Variants in KIF5C observed in about 807,000 individuals in gnomAD.
KIF5C encodes the protein kinesin family member 5C.
KIF5C carries 18 observed loss-of-function variants against 125.2 expected under a neutral mutation model. The ratio of observed to expected loss-of-function variants is 0.14; its 90% confidence interval spans 0.10 to 0.21. KIF5C has a LOEUF of 0.21. KIF5C is among the 10% of genes least tolerant of loss of function. The probability of loss-of-function intolerance (pLI) is 1.00; values close to 1 mark genes in which losing one functional copy is unlikely to be tolerated. For synonymous variants in KIF5C, 405 were observed against 434.0 expected (o/e 0.93, Z 0.83); for missense variants, 780 against 1,183.8 (o/e 0.66, Z 5.01).
rs370362458 is a variant in KIF5C, at chr2:148,934,170, CAT to C, written c.292-3111_292-3110del. Among the ~76,000 whole-genome samples, 743 of 151,108 alleles carry C rather than the reference CAT, an allele frequency of 4.9e-3. 5 individuals carry two copies. The highest frequency in any genetic ancestry group is 0.018 in the South Asian group (86 of 4,766). On this transcript the variant is annotated intron_variant, in intron 3 of 25. Coordinates refer to ENST00000435030, the MANE Select transcript of KIF5C (RefSeq NM_004522.3). ...CACACAGACATATACACATCACACA[CAT>C]ATGCACACACAGACACACCACACAT...
chr2:148,951,670 C>G (rs1446806560), intron 10 of KIF5C, among the ~76,000 whole-genome samples: 1 of 152,148 alleles, frequency 6.6e-6, no homozygotes, highest in Non-Finnish European at 1.5e-5. Context: ...GATTCTGCTG[C>G]CTTCGGTTTG....
Position 148,998,404 on chromosome 2 carries a change from C to T in KIF5C, c.2105C>T (p.Ala702Val), listed in dbSNP as rs1223209744. 6 of 1,560,078 alleles carry T rather than the reference C, an allele frequency of 3.8e-6. No individual in the cohort carries two copies. Among genetic ancestry groups the T allele is most frequent in the East Asian group, 2.4e-5 (1 of 41,950 alleles). The change falls in exon 19 of 26, where the codon GCG becomes GTG. Residue 702 changes from alanine (A) to valine (V), a missense_variant. Transcript: ENST00000435030. Reference sequence around the variant, plus strand: ...TTCTCTTGGCCTGGGATGCAGAAGGCGCTGGAGCAGCAGATGGAGAGCCAC... The same window carrying T: ...TTCTCTTGGCCTGGGATGCAGAAGGTGCTGGAGCAGCAGATGGAGAGCCAC... ...RLQDAEEMKK[A>V]LEQQMESHRE...
chr2:148,933,288 T>C (rs1682217328), intron 3 of KIF5C, among the ~76,000 whole-genome samples: 1 of 152,074 alleles, frequency 6.6e-6, no homozygotes, highest in Admixed American at 6.5e-5. Flanking sequence ...TGAATTTCTA[T>C]AGCTCTCGGC....
intron 10 of KIF5C, among the ~76,000 whole-genome samples, chr2:148,951,588 C>A (rs116031650): frequency 6.6e-6 from 1 of 152,092 alleles, no homozygotes; most frequent in African/African-American, 2.4e-5. Flanking sequence ...GTGGATTGGG[C>A]GATCTGAACA....
intron 1 of KIF5C, among the ~76,000 whole-genome samples, chr2:148,921,269 C>T (rs982635259): frequency 2.0e-5 from 3 of 152,210 alleles, no homozygotes; most frequent in Admixed American, 1.3e-4. Context: ...AATCCCAAGA[C>T]CACACACCTG....
At chr2:148,913,077 G>A (rs1394494791) in intron 1 of KIF5C, among the ~76,000 whole-genome samples, 1 of 152,182 alleles carries the variant, frequency 6.6e-6, no homozygotes, top group Non-Finnish European at 1.5e-5. Context: ...ATACTCATTT[G>A]TGGAACATTT....
chr2:148,981,103 T>TAAC (rs975826861), intron 13 of KIF5C, among the ~76,000 whole-genome samples: 6 of 152,140 alleles, frequency 3.9e-5, no homozygotes, highest in East Asian at 1.9e-4. Context: ...AGCTTTAAAC[T>TAAC]AACAACAACA....
At position 148,967,392 on chromosome 2, in the gene KIF5C, C is replaced by G. The variant is rs571535337; in HGVS notation, c.1117+5273C>G. ...ACAGGCAGCAGAGACAGGCAGGTCT[C>G]TTAAGTGGCCACACCTGGAATTAAT... On this transcript the variant is annotated intron_variant, in intron 11 of 25. Transcript: ENST00000435030. 2.0e-5 allele frequency among the ~76,000 whole-genome samples: 3 copies of G among 152,316 alleles called. No homozygotes were observed. The South Asian group carries it at 6.2e-4, about 32-fold the overall frequency.
chr2:148,896,432 A>G (rs981129237), intron 1 of KIF5C, among the ~76,000 whole-genome samples: 1 of 152,184 alleles, frequency 6.6e-6, no homozygotes, highest in Admixed American at 6.5e-5. Flanking sequence ...TTCTTTCACA[A>G]TGGGGTGGAT....
In KIF5C at chr2:149,018,995, G is replaced by A. The variant is rs142268552; in HGVS notation, c.*8-4083G>A. 8.5e-5 allele frequency among the ~76,000 whole-genome samples: 13 copies of A among 152,284 alleles called. 1 individual carries two copies. The East Asian group carries it at 2.5e-3, about 29-fold the overall frequency. ...ATACATGTTACCACAAATGTGATTT[G>A]TAATGAAAATAACTATTTTCAAAAC... On this transcript the variant is annotated intron_variant, in intron 25 of 25. Transcript: ENST00000435030.
chr2:149,010,331 G>A lies in KIF5C; in HGVS notation c.2747G>A (p.Arg916Lys), dbSNP rs776689328. The A allele has an allele frequency of 6.9e-6, 11 of 1,587,622 alleles. No individual in the cohort carries two copies. In the Admixed American group the frequency reaches 1.4e-4, roughly 21 times the overall value. Residue 916 changes from arginine to lysine, a missense_variant, in exon 24 of 26, where the codon AGG (arginine) becomes AAG (lysine). Physicochemically the swap from Arg to Lys is conservative, Grantham distance 26 (BLOSUM62 2). Transcript: ENST00000435030. Reference sequence around the variant, plus strand: ...GTGCGGGCCAAGAACATGGCCAGAAGGGCCCATTCAGCCCAGATCGGTACG... The same window carrying A: ...GTGCGGGCCAAGAACATGGCCAGAAAGGCCCATTCAGCCCAGATCGGTACG... ...EAVRAKNMAR[R>K]AHSAQIAKPI...
At chr2:148,900,065 T>C (rs1314244446) in intron 1 of KIF5C, among the ~76,000 whole-genome samples, 1 of 152,234 alleles carries the variant, frequency 6.6e-6, no homozygotes, top group Non-Finnish European at 1.5e-5. Context: ...GAACTGTTTT[T>C]CTACTCTTCA....
At chr2:148,986,813 A>T (rs1410182795) in intron 15 of KIF5C, among the ~76,000 whole-genome samples, 1 of 152,180 alleles carries the variant, frequency 6.6e-6, no homozygotes, top group Admixed American at 6.5e-5. Flanking sequence ...AGAAAAACCC[A>T]TATATCCCCA....
At chr2:148,964,398 G>A (rs993422484) in intron 11 of KIF5C, among the ~76,000 whole-genome samples, 10 of 152,192 alleles carry the variant, frequency 6.6e-5, no homozygotes, top group Admixed American at 6.5e-4. Flanking sequence ...CTGGCACAGA[G>A]TAGACCTCCA....
In KIF5C at chr2:149,023,536, A is replaced by G. The variant is rs570094079; in HGVS notation, c.*466A>G. Reference sequence around the variant, plus strand: ...TTTTTAGGGAACAAAAAGTGCTGCTATAGGGTTCAAAGTTTTCCTTCTGAA... The same window carrying G: ...TTTTTAGGGAACAAAAAGTGCTGCTGTAGGGTTCAAAGTTTTCCTTCTGAA... On this transcript the variant is annotated 3_prime_UTR_variant, in exon 26 of 26. Transcript: ENST00000435030. 3.3e-5 allele frequency: 5 copies of G among 152,780 alleles called. No homozygotes were observed. In the East Asian group the frequency reaches 5.8e-4, roughly 18 times the overall value. The allele number at this position is 152,780 out of a possible 1,614,324, so 9.5% of individuals were successfully genotyped here. A position where few individuals can be genotyped will look rare whatever the true frequency, so the allele number is the denominator to read the frequency against.
At chr2:148,993,970 A>G (rs1221292100) in intron 16 of KIF5C, among the ~76,000 whole-genome samples, 2 of 152,056 alleles carry the variant, frequency 1.3e-5, no homozygotes, top group Non-Finnish European at 2.9e-5. Context: ...GGAAAATGCA[A>G]AGGCCCTGAG....
rs116392695 is a variant in KIF5C, at chr2:148,916,176, T to C, written c.127-5961T>C. Among the ~76,000 whole-genome samples, 1,066 of 152,290 alleles carry C rather than the reference T, an allele frequency of 7.0e-3. 6 individuals are homozygous for C. Among genetic ancestry groups the C allele is most frequent in the African/African-American group, 0.024 (997 of 41,556 alleles). On this transcript the variant is annotated intron_variant, in intron 1 of 25. Transcript: ENST00000435030. ...GAAGTGGTGGAGAGTGAGAGGATAG[T>C]CAGGCCCCTGACAGCATCTGCTGCA...
chr2:148,934,438 G>T (rs1156986752), intron 3 of KIF5C, among the ~76,000 whole-genome samples: 1 of 144,388 alleles, frequency 6.9e-6, no homozygotes, highest in Non-Finnish European at 1.5e-5. Context: ...CACATTGTAT[G>T]GCATACCCCC....
intron 21 of KIF5C, among the ~76,000 whole-genome samples, chr2:149,003,004 C>G (rs1558943063): frequency 6.6e-6 from 1 of 152,176 alleles, no homozygotes; most frequent in Non-Finnish European, 1.5e-5. Flanking sequence ...CCAGGCTGCT[C>G]CCCGCTCTCA....
Sources: allele counts gnomAD v4.1 joint callset (sites outside exome capture counted in the v4.1 genomes callset), GRCh38; gene constraint gnomAD v4.1.1; transcripts MANE v1.5; gene names NCBI Gene and HGNC (gene_info 2026-07-23, HGNC 2026-07-21).